PPM1E: variants seen among roughly 807,000 people sequenced by gnomAD.
PPM1E encodes the protein protein phosphatase 1E.
In PPM1E, 20 loss-of-function variants were observed where a neutral mutation model predicts 65.9. That is an observed-to-expected ratio of 0.30 (90% CI 0.21 to 0.44). The LOEUF (loss-of-function observed/expected upper bound fraction) is 0.44, where lower values mean the gene tolerates loss of function less well. Among genes scored for constraint, PPM1E ranks in the 20% least tolerant of loss-of-function variants. The probability of loss-of-function intolerance (pLI) is 1.00; values close to 1 mark genes in which losing one functional copy is unlikely to be tolerated. For missense variants in PPM1E, 713 were observed against 953.1 expected, an observed-to-expected ratio of 0.75 and a Z score of 3.32; for synonymous variants, 352 against 374.9, an observed-to-expected ratio of 0.94 and a Z score of 0.70.
intron 1 of PPM1E, among the ~76,000 whole-genome samples, chr17:58,772,659 G>A (rs2049951900): frequency 6.6e-6 from 1 of 152,076 alleles, no homozygotes; most frequent in Admixed American, 6.6e-5. Context: ...AGAAAGCATA[G>A]CACATTTGGT....
chr17:58,847,279 A>T (rs2050781254), intron 1 of PPM1E, among the ~76,000 whole-genome samples: 1 of 151,990 alleles, frequency 6.6e-6, no homozygotes, highest in African/African-American at 2.4e-5. Context: ...GTTTAATTAG[A>T]TCCCATTTTT....
chr17:58,941,691 CAAAAAAAAAAAA>C (rs772567524), intron 1 of PPM1E, among the ~76,000 whole-genome samples: 1 of 63,048 alleles, frequency 1.6e-5, no homozygotes, highest in African/African-American at 6.4e-5. Context: ...GACTCCATCT[CAAAAAAAAAAAA>C]AAAAAAAATG....
intron 1 of PPM1E, among the ~76,000 whole-genome samples, chr17:58,788,568 T>C (rs1436334526): frequency 1.3e-5 from 2 of 152,230 alleles, no homozygotes; most frequent in Non-Finnish European, 2.9e-5. Context: ...AAACTAGTTT[T>C]AGTTGATCAG....
At chr17:58,805,407 C>A (rs1168975449) in intron 1 of PPM1E, among the ~76,000 whole-genome samples, 1 of 152,092 alleles carries the variant, frequency 6.6e-6, no homozygotes, top group Non-Finnish European at 1.5e-5. Context: ...TGCGCCACCA[C>A]AGCTGGCTAA....
At chr17:58,822,384 G>A (rs1454471549) in intron 1 of PPM1E, among the ~76,000 whole-genome samples, 2 of 147,950 alleles carry the variant, frequency 1.4e-5, no homozygotes, top group Non-Finnish European at 3.0e-5. Flanking sequence ...ATTTTTTGAC[G>A]AGTCCCAAGT....
chr17:58,888,091 G>A (rs2051298543), intron 1 of PPM1E, among the ~76,000 whole-genome samples: 1 of 152,138 alleles, frequency 6.6e-6, no homozygotes, highest in Non-Finnish European at 1.5e-5. Flanking sequence ...CAAGCTTAAA[G>A]GGAAAAATCA....
rs118068388 is a variant in PPM1E at position 58,915,997 on chromosome 17, A to G, written c.465-39652A>G. On this transcript the variant is annotated intron_variant, in intron 1 of 6. Transcript: ENST00000308249. Reference sequence around the variant, plus strand: ...ATGCATTCTTAGAGTTTTTCCATTTAAATTGTGTTGTGGTTTTTCTTATTT... The same window carrying G: ...ATGCATTCTTAGAGTTTTTCCATTTGAATTGTGTTGTGGTTTTTCTTATTT... Among the ~76,000 whole-genome samples, 453 of 152,228 alleles carry G rather than the reference A, an allele frequency of 3.0e-3. 13 individuals are homozygous for G. The East Asian group carries it at 0.077, about 26-fold the overall frequency.
At chr17:58,914,854 G>A (rs1005322482) in intron 1 of PPM1E, among the ~76,000 whole-genome samples, 13 of 152,200 alleles carry the variant, frequency 8.5e-5, no homozygotes, top group East Asian at 5.8e-4. Context: ...ATTTTAAGTC[G>A]AGATTTTTGA....
intron 1 of PPM1E, among the ~76,000 whole-genome samples, chr17:58,874,108 CAT>C (rs1369739016): frequency 9.2e-4 from 140 of 152,108 alleles, no homozygotes; most frequent in Non-Finnish European, 1.5e-3. Flanking sequence ...AGGTTGTTGG[CAT>C]GGAGAAGTTG....
At chr17:58,857,097 T>C (rs556374229) in intron 1 of PPM1E, among the ~76,000 whole-genome samples, 11 of 152,214 alleles carry the variant, frequency 7.2e-5, no homozygotes, top group South Asian at 2.1e-4. Context: ...TTTGAACCAT[T>C]TGAAAATAAG....
intron 1 of PPM1E, among the ~76,000 whole-genome samples, chr17:58,766,203 T>TG (rs1025804459): frequency 7.9e-6 from 1 of 126,074 alleles, no homozygotes; most frequent in Non-Finnish European, 1.7e-5. Context: ...TCTGTTTTTT[T>TG]TTTTTTTTTT....
chr17:58,945,623 A>G (rs188321317), intron 1 of PPM1E, among the ~76,000 whole-genome samples: 2 of 152,352 alleles, frequency 1.3e-5, no homozygotes, highest in East Asian at 1.9e-4. Context: ...CTCAGATGCC[A>G]GTTAAAAGTC....
intron 1 of PPM1E, among the ~76,000 whole-genome samples, chr17:58,810,748 TC>T (rs1405580074): frequency 1.3e-5 from 2 of 152,194 alleles, no homozygotes; most frequent in South Asian, 2.1e-4. Flanking sequence ...GTTGAACTGT[TC>T]TATAAAGAAA....
intron 1 of PPM1E, among the ~76,000 whole-genome samples, chr17:58,845,096 T>A (rs1254530717): frequency 1.3e-5 from 2 of 152,190 alleles, no homozygotes; most frequent in African/African-American, 4.8e-5. Flanking sequence ...GCCTTAACAG[T>A]GTTGCTAATC....
Position 58,980,481 on chromosome 17 carries a change from C to T in PPM1E, c.1718C>T (p.Thr573Ile). Residue 573 changes from threonine to isoleucine, a missense_variant, in exon 7 of 7, where the codon ACA becomes ATA. Thr to Ile is a moderately conservative substitution (Grantham distance 89). Around this residue, in one of 6 missense-constraint regions of PPM1E, gnomAD observed 286 missense variants for 313.8 expected, o/e 0.91. Transcript: ENST00000308249. This position sits in a 1 kb window ranked among gnomAD's most constrained non-coding sequence, Gnocchi z 4.7. Reference protein sequence around the residue: ...VLEDPGYLDLTQIEASKPHSA... With the variant: ...VLEDPGYLDLIQIEASKPHSA... ...GAAGACCCAGGCTACCTAGATCTCA[C>T]ACAAATAGAAGCAAGCAAACCTCAC... 1 of 1,614,168 alleles carries T rather than the reference C, an allele frequency of 6.2e-7. No individual in the cohort carries two copies. Among genetic ancestry groups the T allele is most frequent in the Non-Finnish European group, 8.5e-7 (1 of 1,180,028 alleles).
At chr17:58,941,535 A>C (rs1206216525) in intron 1 of PPM1E, among the ~76,000 whole-genome samples, 1 of 151,606 alleles carries the variant, frequency 6.6e-6, no homozygotes, top group African/African-American at 2.4e-5. Context: ...TCTACTAAAA[A>C]TACAAAAATT....
At chr17:58,938,653 A>G (rs62083433) in intron 1 of PPM1E, among the ~76,000 whole-genome samples, 12 of 152,274 alleles carry the variant, frequency 7.9e-5, no homozygotes, top group East Asian at 1.9e-4. Flanking sequence ...TGCAAGCACT[A>G]TAGGTGAAGG....
At chr17:58,806,752 T>C (rs1259685230) in intron 1 of PPM1E, among the ~76,000 whole-genome samples, 1 of 147,808 alleles carries the variant, frequency 6.8e-6, no homozygotes, top group Admixed American at 7.0e-5. Context: ...CAGGTTGGAG[T>C]GTAGTGGCGC....
chr17:58,840,552 A>G (rs2050708083), intron 1 of PPM1E, among the ~76,000 whole-genome samples: 1 of 152,164 alleles, frequency 6.6e-6, no homozygotes, highest in Admixed American at 6.6e-5. Flanking sequence ...CCTTGGAGAA[A>G]TGGCTGATTC....
Sources: allele counts gnomAD v4.1 joint callset (sites outside exome capture counted in the v4.1 genomes callset), GRCh38; gene constraint gnomAD v4.1.1; regional missense constraint gnomAD v4.1.1; non-coding constraint Gnocchi (gnomAD v3.1); transcripts MANE v1.5; gene names NCBI Gene and HGNC (gene_info 2026-07-23, HGNC 2026-07-21).